Variants in SPP1 observed in about 807,000 individuals in gnomAD.
The protein encoded by SPP1 is osteopontin.
A neutral mutation model predicts 20.8 loss-of-function variants in SPP1; 18 were observed. The ratio of observed to expected loss-of-function variants is 0.87; its 90% CI spans 0.60 to 1.29. SPP1 has a LOEUF of 1.29. Ranked by LOEUF, SPP1 falls within the 50% of genes most tolerant of loss-of-function variation. The pLI is 0.00. For missense variants in SPP1, 363 were observed against 389.0 expected (o/e 0.93, Z 0.56); for synonymous variants, 146 against 141.5 (o/e 1.03, Z -0.23).
chr4:87,981,574 A>G lies in SPP1; in HGVS notation c.316A>G (p.Asn106Asp), dbSNP rs1725646509. The change falls in exon 6 of 7, where the codon AAC (asparagine) becomes GAC (aspartate). Residue 106 changes from asparagine (N) to aspartate (D), a missense_variant. Coordinates refer to ENST00000395080, the MANE Select transcript of SPP1 (RefSeq NM_001040058.2). ...HVDSQDSIDS[N>D]DSDDVDDTDD... is the part of the protein sequence containing the mutation. The stretch of plus-strand genomic sequence containing the variant: ...GGACAGCCAGGACTCCATTGACTCG[A>G]ACGACTCTGATGATGTAGATGACAC... 2 of 1,611,982 alleles carry G rather than the reference A, an allele frequency of 1.2e-6. No individual in the cohort carries two copies. The highest frequency in any genetic ancestry group is 1.7e-6 in the Non-Finnish European group (2 of 1,179,154).
chr4:87,977,976 T>A, intron 3 of SPP1: 1 of 562,108 alleles, frequency 1.8e-6, no homozygotes, highest in Non-Finnish European at 2.3e-6. Flanking sequence ...ATAGAGGTCA[T>A]ACTATTTGAG....
chr4:87,978,964 C>T (rs569500285), intron 3 of SPP1, among the ~76,000 whole-genome samples: 89 of 152,240 alleles, frequency 5.8e-4, no homozygotes, highest in African/African-American at 2.1e-3. Context: ...TTTGCAGTAG[C>T]ATATTATCAG....
chr4:87,979,588 A>G (rs901993675), intron 3 of SPP1, among the ~76,000 whole-genome samples: 6 of 152,214 alleles, frequency 3.9e-5, no homozygotes, highest in Non-Finnish European at 8.8e-5. Flanking sequence ...GAAGATTAAC[A>G]GTAATTAAGG....
At position 87,983,006 on chromosome 4, in the gene SPP1, G is replaced by A. The variant is rs1725726381; in HGVS notation, c.*110G>A. On this transcript the variant is annotated 3_prime_UTR_variant, in exon 7 of 7. Coordinates refer to ENST00000395080, the MANE Select transcript of SPP1 (RefSeq NM_001040058.2). The stretch of plus-strand genomic sequence containing the variant: ...TTCTTTCTCAGTTTATTGGTTGAAT[G>A]TGTATCTATTTGAGTCTGGAAATAA... 1 of 1,121,146 alleles carries A rather than the reference G, an allele frequency of 8.9e-7. No homozygotes were observed. The highest frequency in any genetic ancestry group is 1.2e-6 in the Non-Finnish European group (1 of 808,848). 69.4% of individuals were successfully genotyped at this position (1,121,146 alleles called of 1,614,324 possible).
At chr4:87,980,290 T>C in intron 4 of SPP1, 103 bp from the exon 5 acceptor site, 1 of 1,532,360 alleles carries the variant, frequency 6.5e-7, no homozygotes, top group Non-Finnish European at 9.0e-7. Flanking sequence ...CATCCACAGA[T>C]GAGGCTGAAA....
rs777323784 is a variant in SPP1, at chr4:87,981,484, A to G, written c.226A>G (p.Ser76Gly). Residue 76 changes from serine (S) to glycine (G), a missense_variant, in exon 6 of 7, where the codon AGT (serine) becomes GGT (glycine). By Grantham distance (56) the Ser-to-Gly change is moderately conservative. Transcript: ENST00000395080. ...TNDFKQETLP[S>G]KSNESHDHMD... Reference sequence around the variant, plus strand: ...CCATCTTAATTTTCAGACCCTTCCAAGTAAGTCCAACGAAAGCCATGACCA... The same window carrying G: ...CCATCTTAATTTTCAGACCCTTCCAGGTAAGTCCAACGAAAGCCATGACCA... 1 of 1,614,018 alleles carries G rather than the reference A, an allele frequency of 6.2e-7. No individual in the cohort carries two copies. The highest frequency in any genetic ancestry group is 8.5e-7 in the Non-Finnish European group (1 of 1,179,878).
Position 87,976,937 on chromosome 4 carries a change from C to T in SPP1, c.42C>T (p.Thr14=). 1 of 1,613,770 alleles carries T rather than the reference C, an allele frequency of 6.2e-7. No homozygotes were observed. The highest frequency in any genetic ancestry group is 8.5e-7 in the Non-Finnish European group (1 of 1,179,674). Residue 14 remains threonine (T), a synonymous_variant, in exon 2 of 7, where the codon ACC becomes ACT. Coordinates refer to ENST00000395080, the MANE Select transcript of SPP1 (RefSeq NM_001040058.2). The part of the protein sequence containing the change: ...AVICFCLLGI[T]CAIPVKQADS... ...TTTGCTTTTGCCTCCTAGGCATCACCTGTGCCATACCAGTGAGTACAGTTG... is the reference window on the plus strand; with the variant it reads ...TTTGCTTTTGCCTCCTAGGCATCACTTGTGCCATACCAGTGAGTACAGTTG...
At position 87,981,455 on chromosome 4, in the gene SPP1, C is replaced by T. The variant is rs1725637433; in HGVS notation, c.217-20C>T. ...AATAAAAACCCATATATTAATTTTC[C>T]CGGCCATCTTAATTTTCAGACCCTT... On this transcript the variant is annotated intron_variant, in intron 5 of 6. Coordinates refer to ENST00000395080, the MANE Select transcript of SPP1 (RefSeq NM_001040058.2). The T allele has an allele frequency of 6.2e-7, 1 of 1,604,430 alleles. No individual in the cohort carries two copies. Among genetic ancestry groups the T allele is most frequent in the South Asian group, 1.1e-5 (1 of 89,978 alleles).
intron 5 of SPP1, among the ~76,000 whole-genome samples, chr4:87,981,030 G>C (rs1472569194): frequency 6.6e-6 from 1 of 152,062 alleles, no homozygotes; most frequent in Non-Finnish European, 1.5e-5. Flanking sequence ...CATGTTAATA[G>C]GAAAGTGGTT....
At chr4:87,979,916 A>T (rs566068757) in intron 3 of SPP1, 130 bp from the exon 4 acceptor site, 1 of 834,400 alleles carries the variant, frequency 1.2e-6, no homozygotes, top group Admixed American at 2.9e-5. Flanking sequence ...AAAAAAAAAA[A>T]ATTACAAAAA....
At chr4:87,977,038 T>C in intron 2 of SPP1, 21 bp from the exon 3 acceptor site, 2 of 1,614,080 alleles carry the variant, frequency 1.2e-6, no homozygotes, top group Non-Finnish European at 1.7e-6. Flanking sequence ...GTAATCTTTC[T>C]TCATCTTTTC....
In SPP1 at chr4:87,983,191, G is replaced by GCC. The variant is rs1725733967; in HGVS notation, c.*296_*297insCC. 1.3e-5 allele frequency: 3 copies of GCC among 224,818 alleles called. No individual in the cohort carries two copies. The South Asian group carries it at 3.5e-4, about 26-fold the overall frequency. 13.9% of individuals were successfully genotyped at this position (224,818 alleles called of 1,614,324 possible). On this transcript the variant is annotated 3_prime_UTR_variant, in exon 7 of 7. Transcript: ENST00000395080. ...CTCATGAATAGAAATTTATGTAGAAGCAAACAAAATACTTTTACCCACTTA... is the reference window on the plus strand; with the variant it reads ...CTCATGAATAGAAATTTATGTAGAAGCCCAAACAAAATACTTTTACCCACTTA...
chr4:87,979,510 G>A (rs1725562316), intron 3 of SPP1, among the ~76,000 whole-genome samples: 1 of 152,070 alleles, frequency 6.6e-6, no homozygotes, highest in Non-Finnish European at 1.5e-5. Flanking sequence ...ATAGCTCCAT[G>A]TGGTTAGAGG....
At chr4:87,977,194 A>G in intron 3 of SPP1, 97 bp downstream of exon 3, 2 of 1,225,064 alleles carry the variant, frequency 1.6e-6, no homozygotes, top group Non-Finnish European at 2.4e-6. Context: ...TTATCTTCTC[A>G]GTCAAATCCA....
intron 1 of SPP1, among the ~76,000 whole-genome samples, chr4:87,976,460 A>C (rs903679042): frequency 2.0e-5 from 3 of 152,212 alleles, no homozygotes; most frequent in Non-Finnish European, 2.9e-5. Flanking sequence ...ACATGTTGGA[A>C]AAATGGATAA....
At chr4:87,980,226 C>T in intron 4 of SPP1, 100 bp downstream of exon 4, 13 of 1,481,988 alleles carry the variant, frequency 8.8e-6, no homozygotes, top group Non-Finnish European at 1.2e-5. Context: ...TGCTGGCAAA[C>T]ATGTGCTTAG....
Position 87,977,155 on chromosome 4 carries a change from T to G in SPP1, c.93+58T>G, listed in dbSNP as rs1725412982. The stretch of plus-strand genomic sequence containing the variant: ...TCATTTACTCAATTATGGCGAGAGG[T>G]GCAAGAAACGTATTTGCTGCGATAT... On this transcript the variant is annotated intron_variant, in intron 3 of 6. Coordinates refer to ENST00000395080, the MANE Select transcript of SPP1 (RefSeq NM_001040058.2). The G allele has an allele frequency of 3.9e-6, 6 of 1,530,954 alleles. 1 individual carries two copies. The South Asian group carries it at 6.7e-5, about 17-fold the overall frequency. 94.8% of individuals were successfully genotyped at this position (1,530,954 alleles called of 1,614,324 possible).
intron 5 of SPP1, 128 bp downstream of exon 5, chr4:87,980,562 C>A: frequency 1.1e-6 from 1 of 936,620 alleles, no homozygotes; most frequent in South Asian, 1.7e-5. Flanking sequence ...AAAACTTGCT[C>A]ATAAATAAAA....
chr4:87,978,624 C>CG (rs1725508906), intron 3 of SPP1, among the ~76,000 whole-genome samples: 1 of 152,096 alleles, frequency 6.6e-6, no homozygotes, highest in Admixed American at 6.5e-5. Context: ...CCTCGTGATC[C>CG]ACCCTCCTTG....
Sources: gnomAD v4.1 joint callset for allele counts (sites outside exome capture counted in the v4.1 genomes callset) on GRCh38, gnomAD v4.1.1 for gene constraint, MANE v1.5 for transcripts, NCBI Gene and HGNC (gene_info 2026-07-23, HGNC 2026-07-21) for gene names.